ZSCAN25: variants seen among roughly 807,000 people sequenced by gnomAD.
ZSCAN25 encodes zinc finger and SCAN domain containing 25, also known as zinc finger and SCAN domain-containing protein 25.
In ZSCAN25, 27 loss-of-function variants were observed where a neutral mutation model predicts 38.7. The ratio of observed to expected loss-of-function variants is 0.70; its 90% CI spans 0.51 to 0.96. The LOEUF is 0.96. Among genes scored for constraint, ZSCAN25 ranks in the 40% least tolerant of loss-of-function variants. The pLI is 0.00. For missense variants in ZSCAN25, 637 were observed against 705.9 expected, an observed-to-expected ratio of 0.90 and a Z score of 1.11; for synonymous variants, 273 against 277.7, an observed-to-expected ratio of 0.98 and a Z score of 0.17.
chr7:99,631,046 AC>A lies in ZSCAN25; in HGVS notation c.*1027del, dbSNP rs1400516189. On this transcript the variant is annotated 3_prime_UTR_variant, in exon 8 of 8. Transcript: ENST00000394152. ...TCAGGAACTCTTCTGGGTGCTTGAG[AC>A]ACATCCATGAATAAAATAGGGGGAG... is the stretch of plus-strand genomic sequence containing the variant. 1 of 978,728 alleles carries A rather than the reference AC, an allele frequency of 1.0e-6. No homozygotes were observed. Among genetic ancestry groups the A allele is most frequent in the Non-Finnish European group, 1.2e-6 (1 of 823,888 alleles). 60.6% of individuals were successfully genotyped at this position (978,728 alleles called of 1,614,324 possible). A position where few individuals can be genotyped will look rare whatever the true frequency, so the allele number is the denominator to read the frequency against.
Position 99,618,583 on chromosome 7 carries a change from T to TA in ZSCAN25, c.-199dup, listed in dbSNP as rs1286607444. The TA allele has an allele frequency of 6.6e-6, 1 of 152,180 alleles. No individual in the cohort carries two copies. Among genetic ancestry groups the TA allele is most frequent in the Non-Finnish European group, 1.5e-5 (1 of 68,038 alleles). 9.4% of individuals were successfully genotyped at this position (152,180 alleles called of 1,614,324 possible). A position where few individuals can be genotyped will look rare whatever the true frequency, so the allele number is the denominator to read the frequency against. On this transcript the variant is annotated 5_prime_UTR_variant, in exon 2 of 8. Transcript: ENST00000394152. The stretch of plus-strand genomic sequence containing the variant: ...AGTTTGTTGGTTTTAATCTCCAAAA[T>TA]ACGTCTTGATTTTGTCTGACTCTTT...
chr7:99,712,816 C>G, the ZSCAN25 span, among the ~76,000 whole-genome samples: 1 of 152,120 alleles, frequency 6.6e-6, no homozygotes, highest in African/African-American at 2.4e-5. Flanking sequence ...ACATGGCCAT[C>G]ATTTTGCCAC....
At chr7:99,622,483 G>A in intron 5 of ZSCAN25, 66 bp from the exon 6 acceptor site, 1 of 1,486,094 alleles carries the variant, frequency 6.7e-7, no homozygotes, top group Non-Finnish European at 9.4e-7. Context: ...GGACACATTT[G>A]AACGAGCTAA....
downstream of ZSCAN25, among the ~76,000 whole-genome samples, chr7:99,636,463 C>T (rs761512804): frequency 5.3e-5 from 8 of 152,120 alleles, no homozygotes; most frequent in Non-Finnish European, 1.0e-4. Flanking sequence ...TATAGTCTTA[C>T]ACTTCTCATA....
chr7:99,728,339 C>T, the ZSCAN25 span, among the ~76,000 whole-genome samples: 1 of 152,174 alleles, frequency 6.6e-6, no homozygotes, highest in Non-Finnish European at 1.5e-5. Context: ...TCTTCAGACT[C>T]TCCTCCCATT....
the ZSCAN25 span, chr7:99,720,483 C>T: frequency 6.4e-7 from 1 of 1,557,292 alleles, no homozygotes; most frequent in South Asian, 1.1e-5. Context: ...ACCCAGGAAG[C>T]CAGACTTTGA....
the ZSCAN25 span, among the ~76,000 whole-genome samples, chr7:99,666,285 C>T: frequency 6.6e-6 from 1 of 152,178 alleles, no homozygotes; most frequent in African/African-American, 2.4e-5. Flanking sequence ...GTTCCATATC[C>T]ACTACACTCA....
chr7:99,685,736 A>C, the ZSCAN25 span, among the ~76,000 whole-genome samples: 1 of 152,150 alleles, frequency 6.6e-6, no homozygotes, highest in Non-Finnish European at 1.5e-5. Flanking sequence ...GCTATTGTAA[A>C]ACTTTTCAAG....
At chr7:99,662,000 T>TA in the ZSCAN25 span, among the ~76,000 whole-genome samples, 1 of 152,234 alleles carries the variant, frequency 6.6e-6, no homozygotes, top group African/African-American at 2.4e-5. Flanking sequence ...AGTGAAATGA[T>TA]AGACTATTTT....
rs538905942 is a variant in ZSCAN25 at position 99,619,557 on chromosome 7, A to G, written c.-46-4A>G. 6.4e-7 allele frequency: 1 copy of G among 1,551,622 alleles called. No homozygotes were observed. The highest frequency in any genetic ancestry group is 1.9e-5 in the Admixed American group (1 of 52,084). On this transcript the variant is annotated splice_region_variant and splice_polypyrimidine_tract_variant and intron_variant, in intron 3 of 7. Transcript: ENST00000394152. ...ACCTTTCATGTGTCTCTTGTTCTCA[A>G]AAGGGTCATTGATGCAGTCATTCTC...
At chr7:99,638,704 A>G in the ZSCAN25 span, 2 of 1,387,172 alleles carry the variant, frequency 1.4e-6, no homozygotes, top group Admixed American at 1.7e-5. Flanking sequence ...GGCCGCATCC[A>G]GGCGCAACAT....
At chr7:99,695,922 G>T in the ZSCAN25 span, 1 of 1,141,834 alleles carries the variant, frequency 8.8e-7, no homozygotes, top group Non-Finnish European at 1.3e-6. Context: ...TGAGGAACTG[G>T]AATGCTCAAG....
the ZSCAN25 span, among the ~76,000 whole-genome samples, chr7:99,693,406 TGAGA>T: frequency 5.9e-5 from 9 of 152,232 alleles, no homozygotes; most frequent in African/African-American, 2.2e-4. Flanking sequence ...AATACCGTGC[TGAGA>T]GAACCACTGC....
the ZSCAN25 span, among the ~76,000 whole-genome samples, chr7:99,709,774 A>ATATGTGTG: frequency 6.7e-6 from 1 of 150,170 alleles, no homozygotes; most frequent in Non-Finnish European, 1.5e-5. Context: ...TATTATATAT[A>ATATGTGTG]TGTGTGTGTG....
the ZSCAN25 span, chr7:99,663,350 A>G: frequency 1.0e-6 from 1 of 993,722 alleles, no homozygotes; most frequent in African/African-American, 1.7e-5. Flanking sequence ...CAAACTCTAT[A>G]TAATCTTCAG....
the ZSCAN25 span, among the ~76,000 whole-genome samples, chr7:99,731,483 A>T: frequency 2.6e-5 from 4 of 152,114 alleles, no homozygotes; most frequent in African/African-American, 9.7e-5. Flanking sequence ...TCATTCCCTC[A>T]TGTCTTTTTA....
the ZSCAN25 span, chr7:99,674,440 C>A: frequency 1.1e-6 from 1 of 921,084 alleles, no homozygotes. Context: ...ACAAGAGCTT[C>A]ATCCCATGAA....
At chr7:99,695,579 A>T in the ZSCAN25 span, among the ~76,000 whole-genome samples, 1 of 152,142 alleles carries the variant, frequency 6.6e-6, no homozygotes, top group African/African-American at 2.4e-5. Context: ...GAGAGTTAGC[A>T]AGAGAGTCCC....
At position 99,632,361 on chromosome 7, in the gene ZSCAN25, C is replaced by A; in HGVS notation, c.*2341C>A. 1 of 602,582 alleles carries A rather than the reference C, an allele frequency of 1.7e-6. No homozygotes were observed. Among genetic ancestry groups the A allele is most frequent in the Non-Finnish European group, 2.1e-6 (1 of 480,868 alleles). The allele number at this position is 602,582 out of a possible 1,614,324, so 37.3% of individuals were successfully genotyped here. On this transcript the variant is annotated 3_prime_UTR_variant, in exon 8 of 8. Transcript: ENST00000394152. Reference sequence around the variant, plus strand: ...AATTTCAAACCTATATAAATAAATCCTTATGTATTTATCATTTGACTTTAT... The same window carrying A: ...AATTTCAAACCTATATAAATAAATCATTATGTATTTATCATTTGACTTTAT...
Sources: gnomAD v4.1 joint callset for allele counts (sites outside exome capture counted in the v4.1 genomes callset) on GRCh38, gnomAD v4.1.1 for gene constraint, MANE v1.5 for transcripts, NCBI Gene and HGNC (gene_info 2026-07-23, HGNC 2026-07-21) for gene names.